CCR3: variants seen among roughly 807,000 people sequenced by gnomAD.
The protein encoded by CCR3 is C-C chemokine receptor type 3.
For missense variants in CCR3, 419 were observed against 437.5 expected (o/e 0.96, Z 0.38); for synonymous variants, 203 against 179.2 (o/e 1.13, Z -1.06).
intron 1 of CCR3, among the ~76,000 whole-genome samples, chr3:46,245,073 A>G (rs958071860): frequency 6.6e-6 from 1 of 152,204 alleles, no homozygotes. Context: ...GACCGCACTC[A>G]GACACAATTC....
intron 1 of CCR3, among the ~76,000 whole-genome samples, chr3:46,242,986 T>TATATATATATATATAC (rs1177683971): frequency 2.7e-5 from 3 of 112,970 alleles, no homozygotes; most frequent in African/African-American, 1.3e-4. Flanking sequence ...TATACACATA[T>TATATATATATATATAC]ATATATATAT....
At chr3:46,231,624 G>C (rs535531159) in intron 2 of CCR3, among the ~76,000 whole-genome samples, 1 of 151,990 alleles carries the variant, frequency 6.6e-6, no homozygotes, top group Non-Finnish European at 1.5e-5. Context: ...TAGATCTTAC[G>C]TTAAAGTAAT....
intron 2 of CCR3, among the ~76,000 whole-genome samples, chr3:46,223,610 A>G (rs1338521519): frequency 1.3e-5 from 2 of 152,120 alleles, no homozygotes; most frequent in Non-Finnish European, 2.9e-5. Context: ...GTGTACATGC[A>G]TGCAGGTGTG....
In CCR3 at chr3:46,242,963, G is replaced by GTGTA. The variant is rs1553644056; in HGVS notation, c.-12+426_-12+427insGTAT. Among the ~76,000 whole-genome samples the GTGTA allele has an allele frequency of 6.8e-3, 584 of 86,270 alleles. 9 individuals carry two copies. Among genetic ancestry groups the GTGTA allele is most frequent in the Middle Eastern group, 0.018 (2 of 112 alleles). 56.6% of individuals were successfully genotyped at this position (86,270 alleles called of 152,430 possible). On this transcript the variant is annotated intron_variant, in intron 1 of 1. Coordinates refer to ENST00000395940, the MANE Select transcript of CCR3 (RefSeq NM_178329.3). Reference sequence around the variant, plus strand: ...AAAATATAATTTTACATATATATGTGTATATATATATATATACACATATAT... The same window carrying GTGTA: ...AAAATATAATTTTACATATATATGTGTGTATATATATATATATATACACATATAT...
chr3:46,221,265 A>G (rs1304252898), intron 2 of CCR3, among the ~76,000 whole-genome samples: 1 of 152,222 alleles, frequency 6.6e-6, no homozygotes, highest in Non-Finnish European at 1.5e-5. Context: ...CAGAGTACCT[A>G]TAGGCCATGA....
chr3:46,247,934 T>C (rs539127460), intron 1 of CCR3, among the ~76,000 whole-genome samples: 1 of 152,268 alleles, frequency 6.6e-6, no homozygotes, highest in African/African-American at 2.4e-5. Context: ...AGTGATTTCC[T>C]TGAGGATAGA....
chr3:46,256,732 T>G (rs762544675), intron 1 of CCR3, among the ~76,000 whole-genome samples: 1 of 152,098 alleles, frequency 6.6e-6, no homozygotes, highest in African/African-American at 2.4e-5. Flanking sequence ...ATCACTATAG[T>G]TAATAATTGT....
intron 2 of CCR3, among the ~76,000 whole-genome samples, chr3:46,232,783 G>T (rs958138070): frequency 6.6e-6 from 1 of 152,174 alleles, no homozygotes; most frequent in South Asian, 2.1e-4. Flanking sequence ...CAGCTTCCAC[G>T]TTCTCACTCC....
At chr3:46,249,059 T>C (rs1419218294) in intron 1 of CCR3, among the ~76,000 whole-genome samples, 1 of 152,064 alleles carries the variant, frequency 6.6e-6, no homozygotes, top group East Asian at 1.9e-4. Flanking sequence ...GATCTTGGCA[T>C]TGAGCAGGGT....
chr3:46,213,090 G>T (rs997365308), intron 2 of CCR3, among the ~76,000 whole-genome samples: 1 of 152,224 alleles, frequency 6.6e-6, no homozygotes, highest in African/African-American at 2.4e-5. Flanking sequence ...ACAGTCTCTT[G>T]TAATAATTCT....
chr3:46,222,866 CTATT>C (rs777023555), intron 2 of CCR3, among the ~76,000 whole-genome samples: 2 of 152,308 alleles, frequency 1.3e-5, no homozygotes, highest in African/African-American at 4.8e-5. Flanking sequence ...AGCTACGTGG[CTATT>C]TATTTCCTCA....
intron 2 of CCR3, among the ~76,000 whole-genome samples, chr3:46,220,828 A>G (rs1699827528): frequency 6.6e-6 from 1 of 152,236 alleles, no homozygotes; most frequent in South Asian, 2.1e-4. Context: ...TCAGAATGAC[A>G]TAATGGACTC....
chr3:46,229,768 A>T (rs59340338), intron 2 of CCR3, among the ~76,000 whole-genome samples: 14,839 of 152,192 alleles, frequency 0.098, 2,254 homozygotes, highest in African/African-American at 0.32. Flanking sequence ...GATCCCATAC[A>T]TGGTAAACTC....
At chr3:46,231,049 C>G (rs146190298) in intron 2 of CCR3, among the ~76,000 whole-genome samples, 1 of 152,122 alleles carries the variant, frequency 6.6e-6, no homozygotes, top group Non-Finnish European at 1.5e-5. Flanking sequence ...CTCAGCCTCC[C>G]GAGTAGCTGG....
chr3:46,214,998 T>G (rs1240239022), intron 2 of CCR3, among the ~76,000 whole-genome samples: 1 of 152,102 alleles, frequency 6.6e-6, no homozygotes, highest in East Asian at 1.9e-4. Context: ...TGCCAAGAGC[T>G]GCCAACTAGA....
At chr3:46,242,998 TATATACGCAC>T in intron 1 of CCR3, among the ~76,000 whole-genome samples, 1 of 120,254 alleles carries the variant, frequency 8.3e-6, no homozygotes, top group Admixed American at 7.9e-5. Context: ...TATATATATA[TATATACGCAC>T]ACACACATAC....
intron 1 of CCR3, among the ~76,000 whole-genome samples, chr3:46,260,611 G>A (rs1700506132): frequency 6.6e-6 from 1 of 152,210 alleles, no homozygotes; most frequent in South Asian, 2.1e-4. Context: ...TCCAGGTTAT[G>A]CAGATGTAAG....
intron 2 of CCR3, among the ~76,000 whole-genome samples, chr3:46,228,101 T>C (rs554281167): frequency 1.5e-4 from 23 of 152,078 alleles, no homozygotes; most frequent in Non-Finnish European, 3.1e-4. Context: ...TGAAAATCCC[T>C]GTTTAACATT....
intron 2 of CCR3, among the ~76,000 whole-genome samples, chr3:46,218,139 A>T (rs996175422): frequency 3.9e-5 from 6 of 152,150 alleles, no homozygotes; most frequent in Non-Finnish European, 5.9e-5. Flanking sequence ...GGGAGATACT[A>T]TAAATGATGC....
Sources: gnomAD v4.1 joint callset for allele counts (sites outside exome capture counted in the v4.1 genomes callset) on GRCh38, gnomAD v4.1.1 for gene constraint, MANE v1.5 for transcripts, NCBI Gene and HGNC (gene_info 2026-07-23, HGNC 2026-07-21) for gene names.